Variants in CGNL1 observed in about 807,000 individuals in gnomAD.
CGNL1 encodes the protein cingulin-like protein 1.
Under a neutral mutation model 141.2 loss-of-function variants are expected in CGNL1, and 132 were observed. The ratio of observed to expected loss-of-function variants is 0.93; its 90% CI spans 0.81 to 1.08. The LOEUF is 1.08. CGNL1 is among the 50% of genes least tolerant of loss of function. The pLI, the probability that CGNL1 is intolerant of heterozygous loss-of-function variation, is 0.00. For synonymous variants in CGNL1, 690 were observed against 622.1 expected (o/e 1.11, Z -1.63); for missense variants, 1,870 against 1,588.6 (o/e 1.18, Z -3.01).
At chr15:57,474,843 T>C (rs1244793037) in intron 8 of CGNL1, among the ~76,000 whole-genome samples, 1 of 152,218 alleles carries the variant, frequency 6.6e-6, no homozygotes, top group African/African-American at 2.4e-5. Context: ...TGTGTAAACC[T>C]TTCATATCTT....
At chr15:57,515,058 T>TC (rs1289196132) in intron 8 of CGNL1, among the ~76,000 whole-genome samples, 1 of 152,222 alleles carries the variant, frequency 6.6e-6, no homozygotes, top group Admixed American at 6.5e-5. Flanking sequence ...ATCTAGACTT[T>TC]TTCTTTCCCT....
chr15:57,524,937 G>A (rs1295655815), intron 12 of CGNL1, among the ~76,000 whole-genome samples, 186 bp downstream of exon 12: 3 of 152,100 alleles, frequency 2.0e-5, no homozygotes, highest in African/African-American at 7.2e-5. Flanking sequence ...ACCCACCGGC[G>A]GACTGTGAGG....
In CGNL1 at chr15:57,452,269, GC is replaced by G; in HGVS notation, c.2035del (p.Leu679SerfsTer11). The G allele has an allele frequency of 6.2e-7, 1 of 1,613,708 alleles. No homozygotes were observed. On this transcript the variant is annotated frameshift_variant, in exon 6 of 19. Transcript: ENST00000281282. LOFTEE classifies it high-confidence loss of function. Reference sequence around the variant, plus strand: ...AACGACTGGAAGAAAGTGAAGGGGAGCTCCGGAAGAATCTGGAGGAGTAAGT... The same window carrying G: ...AACGACTGGAAGAAAGTGAAGGGGAGTCCGGAAGAATCTGGAGGAGTAAGT... ...QQRLEESEGELRKNLEELFQV... is the reference protein window; with the variant it reads ...QQRLEESEGEXRKNLEELFQV...
At chr15:57,481,363 G>C (rs1289542342) in intron 8 of CGNL1, among the ~76,000 whole-genome samples, 1 of 151,868 alleles carries the variant, frequency 6.6e-6, no homozygotes, top group African/African-American at 2.4e-5. Context: ...ATCCCTCCTT[G>C]ACCCAACTAG....
intron 12 of CGNL1, among the ~76,000 whole-genome samples, 157 bp from the exon 13 acceptor site, chr15:57,528,497 C>T (rs1410186745): frequency 6.6e-6 from 1 of 152,000 alleles, no homozygotes; most frequent in Non-Finnish European, 1.5e-5. Flanking sequence ...AAGTAAGGCC[C>T]AGAGGGAGGT....
chr15:57,502,631 G>A (rs750569343), intron 8 of CGNL1, among the ~76,000 whole-genome samples: 1 of 152,172 alleles, frequency 6.6e-6, no homozygotes, highest in Non-Finnish European at 1.5e-5. Flanking sequence ...AGATGGCTAT[G>A]ACCTTAGAGA....
chr15:57,482,826 C>T (rs1329946329), intron 8 of CGNL1, among the ~76,000 whole-genome samples: 3 of 151,624 alleles, frequency 2.0e-5, no homozygotes, highest in Non-Finnish European at 4.4e-5. Flanking sequence ...CTCTTGTTGC[C>T]CAGACTGGAG....
At chr15:57,498,172 T>C (rs898412908) in intron 8 of CGNL1, among the ~76,000 whole-genome samples, 86 of 152,030 alleles carry the variant, frequency 5.7e-4, no homozygotes, top group African/African-American at 1.9e-3. Context: ...GTCTCCACTA[T>C]AGAATATATA....
At chr15:57,532,720 C>T (rs903306185) in intron 14 of CGNL1, among the ~76,000 whole-genome samples, 1 of 152,212 alleles carries the variant, frequency 6.6e-6, no homozygotes, top group Non-Finnish European at 1.5e-5. Flanking sequence ...AAGGCTGCAT[C>T]GTAGAGCCTA....
At chr15:57,508,155 C>G (rs1025782676) in intron 8 of CGNL1, among the ~76,000 whole-genome samples, 2 of 152,078 alleles carry the variant, frequency 1.3e-5, no homozygotes, top group African/African-American at 4.8e-5. Flanking sequence ...ATTTCCATCT[C>G]TCCCATGCAC....
At chr15:57,418,275 A>G (rs946685670) in intron 1 of CGNL1, among the ~76,000 whole-genome samples, 5 of 152,156 alleles carry the variant, frequency 3.3e-5, no homozygotes, top group African/African-American at 1.2e-4. Context: ...GTGGCTTCCT[A>G]TGGCTAAACA....
intron 1 of CGNL1, among the ~76,000 whole-genome samples, chr15:57,394,354 A>G (rs2062579366): frequency 6.6e-6 from 1 of 151,892 alleles, no homozygotes; most frequent in South Asian, 2.1e-4. Flanking sequence ...CGAACTCCCG[A>G]CTTCAGGTGA....
rs2031963100 is a variant in CGNL1 at position 57,531,732 on chromosome 15, A to C, written c.3244A>C (p.Asn1082His). 1 of 1,613,226 alleles carries C rather than the reference A, an allele frequency of 6.2e-7. No homozygotes were observed. The highest frequency in any genetic ancestry group is 8.5e-7 in the Non-Finnish European group (1 of 1,179,290). The change falls in exon 14 of 19, where the codon AAC becomes CAC. Residue 1082 changes from asparagine to histidine, a missense_variant. By Grantham distance (68) the Asn-to-His change is moderately conservative. Coordinates refer to ENST00000281282, the MANE Select transcript of CGNL1 (RefSeq NM_032866.5). ...QLEMELEEER[N>H]NSDLLSERIS... ...GGAGATGGAACTGGAAGAAGAGAGA[A>C]ACAACTCAGATTTGCTGTCTGAGAG...
intron 8 of CGNL1, among the ~76,000 whole-genome samples, chr15:57,494,110 T>A (rs912011832): frequency 6.6e-6 from 1 of 152,196 alleles, no homozygotes; most frequent in Non-Finnish European, 1.5e-5. Context: ...AAAATAAATC[T>A]GCAAAGCAAG....
chr15:57,542,085 T>C (rs540446864), intron 14 of CGNL1, among the ~76,000 whole-genome samples: 2 of 152,302 alleles, frequency 1.3e-5, no homozygotes, highest in East Asian at 3.9e-4. Flanking sequence ...AATGCAAGCC[T>C]GGCCCAATGT....
intron 8 of CGNL1, among the ~76,000 whole-genome samples, chr15:57,468,971 C>T (rs1776570541): frequency 6.6e-6 from 1 of 152,222 alleles, no homozygotes; most frequent in Non-Finnish European, 1.5e-5. Flanking sequence ...TGTGAGGCTT[C>T]CCTAGCCACG....
At position 57,438,869 on chromosome 15, in the gene CGNL1, A is replaced by G. The variant is rs2152306678; in HGVS notation, c.870A>G (p.Gly290=). 1 of 1,614,100 alleles carries G rather than the reference A, an allele frequency of 6.2e-7. No homozygotes were observed. The highest frequency in any genetic ancestry group is 2.2e-5 in the East Asian group (1 of 44,868). Residue 290 remains glycine (G), a synonymous_variant, in exon 2 of 19, where the codon GGA becomes GGG. Transcript: ENST00000281282. ...RQDSAGPVLD[G]ARSRRSSSSS... Reference sequence around the variant, plus strand: ...ATTCAGCGGGACCCGTCCTGGATGGAGCTCGGTCCCGGAGGTCCTCCTCGT... The same window carrying G: ...ATTCAGCGGGACCCGTCCTGGATGGGGCTCGGTCCCGGAGGTCCTCCTCGT...
At position 57,481,340 on chromosome 15, in the gene CGNL1, C is replaced by A. The variant is rs116269835; in HGVS notation, c.2403+19448C>A. Among the ~76,000 whole-genome samples the A allele has an allele frequency of 3.6e-3, 548 of 152,230 alleles. 6 individuals are homozygous for A. The highest frequency in any genetic ancestry group is 0.012 in the African/African-American group (512 of 41,518). ...TTGTCCTTTTATAGCCATGCCATCT[C>A]GCTTTCCCTCCCATCCCTCCTTGAC... is the stretch of plus-strand genomic sequence containing the variant. On this transcript the variant is annotated intron_variant, in intron 8 of 18. Transcript: ENST00000281282.
At chr15:57,487,218 G>A (rs1293110531) in intron 8 of CGNL1, among the ~76,000 whole-genome samples, 1 of 152,200 alleles carries the variant, frequency 6.6e-6, no homozygotes, top group African/African-American at 2.4e-5. Context: ...AAGAACAAGA[G>A]TACTTCTCCT....
Sources: gnomAD v4.1 joint callset for allele counts (sites outside exome capture counted in the v4.1 genomes callset) on GRCh38, gnomAD v4.1.1 for gene constraint, MANE v1.5 for transcripts, NCBI Gene and HGNC (gene_info 2026-07-23, HGNC 2026-07-21) for gene names.